PCDHA13: variants seen among roughly 807,000 people sequenced by gnomAD.
PCDHA13 encodes the protein protocadherin alpha-13.
PCDHA13 carries 54 observed loss-of-function variants against 64.8 expected under a neutral mutation model. The observed-to-expected ratio is 0.83, with a 90% CI of 0.67 to 1.04. The LOEUF (loss-of-function observed/expected upper bound fraction) is 1.04. PCDHA13 is among the 50% of genes least tolerant of loss of function. The pLI is 0.00. For synonymous variants in PCDHA13, 587 were observed against 564.4 expected, an observed-to-expected ratio of 1.04 and a Z score of -0.57; for missense variants, 1,248 against 1,254.3, an observed-to-expected ratio of 0.99 and a Z score of 0.08.
At chr5:140,908,422 C>T (rs1403455941) in intron 1 of PCDHA13, among the ~76,000 whole-genome samples, 1 of 152,176 alleles carries the variant, frequency 6.6e-6, no homozygotes, top group Non-Finnish European at 1.5e-5. Context: ...TGATGGAATG[C>T]TGCTGTGCGC....
At chr5:140,968,808 T>C in intron 1 of PCDHA13, 1 of 1,614,204 alleles carries the variant, frequency 6.2e-7, no homozygotes, top group South Asian at 1.1e-5. Context: ...GTAGCTGTGG[T>C]GGATAGGGTT....
At chr5:140,979,062 G>A in intron 2 of PCDHA13, 55 bp downstream of exon 2, 1 of 1,604,568 alleles carries the variant, frequency 6.2e-7, no homozygotes, top group Non-Finnish European at 8.5e-7. Flanking sequence ...GTATGGCTCA[G>A]ATAAACTGCA....
intron 1 of PCDHA13, among the ~76,000 whole-genome samples, chr5:140,926,128 C>CGCAGCAGGATCCAGCGCGGAAAGCTCT (rs1157627097): frequency 6.6e-6 from 1 of 152,162 alleles, no homozygotes; most frequent in Non-Finnish European, 1.5e-5. Context: ...GACTTCAACC[C>CGCAGCAGGATCCAGCGCGGAAAGCTCT]GCAGCAGGAT....
In PCDHA13 at chr5:141,011,583, A is replaced by G. The variant is rs2098421115; in HGVS notation, c.*1646A>G. On this transcript the variant is annotated 3_prime_UTR_variant, in exon 4 of 4. Transcript: ENST00000289272. ...AGTAAAATTTCTTTCTTAAATCAAG[A>G]TACTGGTGATTCAAGGAATTTTATT... is the stretch of plus-strand genomic sequence containing the variant. 1 of 153,656 alleles carries G rather than the reference A, an allele frequency of 6.5e-6. No individual in the cohort carries two copies. Among genetic ancestry groups the G allele is most frequent in the Admixed American group, 6.6e-5 (1 of 15,258 alleles). The allele number at this position is 153,656 out of a possible 1,614,324, so 9.5% of individuals were successfully genotyped here.
intron 1 of PCDHA13, among the ~76,000 whole-genome samples, chr5:140,925,337 A>G (rs2082438861): frequency 6.6e-6 from 1 of 152,072 alleles, no homozygotes; most frequent in South Asian, 2.1e-4. Flanking sequence ...TAAAAGAAGG[A>G]TTTGAGTGAG....
At chr5:140,908,578 GTAGT>G (rs1554193408) in intron 1 of PCDHA13, among the ~76,000 whole-genome samples, 1 of 152,196 alleles carries the variant, frequency 6.6e-6, no homozygotes, top group African/African-American at 2.4e-5. Flanking sequence ...CAAAAGGAGA[GTAGT>G]TAGCTGCAGA....
chr5:140,898,018 C>G (rs1189161004), intron 1 of PCDHA13, among the ~76,000 whole-genome samples: 1 of 152,062 alleles, frequency 6.6e-6, no homozygotes, highest in African/African-American at 2.4e-5. Flanking sequence ...TATCCTTTGC[C>G]CACTTTTTGA....
chr5:140,907,616 GCT>G (rs1554193070), intron 1 of PCDHA13, among the ~76,000 whole-genome samples: 1 of 152,216 alleles, frequency 6.6e-6, no homozygotes, highest in Non-Finnish European at 1.5e-5. Context: ...CATATCAAGG[GCT>G]CAGTGTTGGT....
At chr5:140,992,078 G>A (rs1179366244) in intron 3 of PCDHA13, among the ~76,000 whole-genome samples, 1 of 151,596 alleles carries the variant, frequency 6.6e-6, no homozygotes, top group African/African-American at 2.4e-5. Context: ...TAGAGAATGA[G>A]CTAGAGTAGA....
chr5:140,977,841 A>G lies in PCDHA13; in HGVS notation c.2395-1108A>G, dbSNP rs76111417. On this transcript the variant is annotated intron_variant, in intron 1 of 3. Transcript: ENST00000289272. The stretch of plus-strand genomic sequence containing the variant: ...TTTTGAATGGTCTATTGATATTACT[A>G]TGGCTTTGTTTCTACCAAATATGGT... Among the ~76,000 whole-genome samples the G allele has an allele frequency of 8.3e-3, 1,257 of 152,348 alleles. 23 individuals carry two copies. Among genetic ancestry groups the G allele is most frequent in the African/African-American group, 0.028 (1,184 of 41,574 alleles).
intron 1 of PCDHA13, among the ~76,000 whole-genome samples, chr5:140,976,681 A>T (rs2096726641): frequency 6.6e-6 from 1 of 152,206 alleles, no homozygotes; most frequent in Non-Finnish European, 1.5e-5. Context: ...TCATTTTTGC[A>T]ATTTAAGTAC....
At chr5:140,889,733 A>T (rs192682337) in intron 1 of PCDHA13, among the ~76,000 whole-genome samples, 1 of 152,316 alleles carries the variant, frequency 6.6e-6, no homozygotes, top group Admixed American at 6.5e-5. Context: ...CTCACTGAGT[A>T]GCAGAGTCTA....
At chr5:140,893,104 T>A (rs2063818844) in intron 1 of PCDHA13, among the ~76,000 whole-genome samples, 1 of 152,224 alleles carries the variant, frequency 6.6e-6, no homozygotes, top group South Asian at 2.1e-4. Flanking sequence ...TGGATAATAT[T>A]CCGTTGTGCA....
intron 1 of PCDHA13, among the ~76,000 whole-genome samples, chr5:140,917,338 G>GGTGGGGGGGGGGGGGGGGGGC (rs2078134893): frequency 7.3e-6 from 1 of 137,894 alleles, no homozygotes; most frequent in Non-Finnish European, 1.6e-5. Flanking sequence ...GGAGGGGGGG[G>GGTGGGGGGGGGGGGGGGGGGC]ATGGTGTAGG....
chr5:140,969,051 A>T (rs908108421), intron 1 of PCDHA13: 3 of 1,614,062 alleles, frequency 1.9e-6, no homozygotes, highest in Non-Finnish European at 1.7e-6. Context: ...CAAGCCAACA[A>T]CAATATTGAT....
At chr5:140,984,826 T>C (rs1554246543) in intron 3 of PCDHA13, among the ~76,000 whole-genome samples, 4 of 152,188 alleles carry the variant, frequency 2.6e-5, no homozygotes, top group African/African-American at 9.6e-5. Context: ...TTAATTACCC[T>C]TTCTGTAAAT....
chr5:140,998,442 T>G lies in PCDHA13; in HGVS notation c.2543-11185T>G, dbSNP rs368931467. On this transcript the variant is annotated intron_variant, in intron 3 of 3. Coordinates refer to ENST00000289272, the MANE Select transcript of PCDHA13 (RefSeq NM_018904.3). ...GGTTTATCCTTTAACACTATTATTGTATTTATTCATTTACTTGTCTTTTCC... is the reference window on the plus strand; with the variant it reads ...GGTTTATCCTTTAACACTATTATTGGATTTATTCATTTACTTGTCTTTTCC... 1.7e-4 allele frequency among the ~76,000 whole-genome samples: 26 copies of G among 152,352 alleles called. No individual in the cohort carries two copies. In the South Asian group the frequency reaches 5.2e-3, roughly 30 times the overall value.
At chr5:140,998,940 A>G (rs2097841050) in intron 3 of PCDHA13, among the ~76,000 whole-genome samples, 1 of 152,222 alleles carries the variant, frequency 6.6e-6, no homozygotes, top group African/African-American at 2.4e-5. Context: ...AGATGAAGAA[A>G]CTGTAAGTCA....
chr5:140,995,606 C>G (rs532220927), intron 3 of PCDHA13, among the ~76,000 whole-genome samples: 30 of 152,102 alleles, frequency 2.0e-4, no homozygotes, highest in Non-Finnish European at 3.7e-4. Context: ...TTTTTCTTCT[C>G]CCAAACCAAA....
Sources: allele counts gnomAD v4.1 joint callset (sites outside exome capture counted in the v4.1 genomes callset), GRCh38; gene constraint gnomAD v4.1.1; transcripts MANE v1.5; gene names NCBI Gene and HGNC (gene_info 2026-07-23, HGNC 2026-07-21).